The following PPP1R12B variants were observed in gnomAD, a reference collection of about 807,000 sequenced individuals.
The protein encoded by PPP1R12B is myosin phosphatase target subunit 2.
PPP1R12B carries 76 observed loss-of-function variants against 126.1 expected under a neutral mutation model. The observed-to-expected ratio is 0.60, with a 90% CI of 0.50 to 0.73. PPP1R12B has a LOEUF of 0.73. Among genes scored for constraint, PPP1R12B ranks in the 30% least tolerant of loss-of-function variants. PPP1R12B has a pLI of 0.00. For missense variants in PPP1R12B, 1,052 were observed against 1,205.1 expected (o/e 0.87, Z 1.88); for synonymous variants, 356 against 434.7 (o/e 0.82, Z 2.25).
intron 18 of PPP1R12B, among the ~76,000 whole-genome samples, chr1:202,558,135 T>C (rs891754279): frequency 2.0e-5 from 3 of 150,882 alleles, no homozygotes; most frequent in African/African-American, 4.9e-5. Context: ...GCCAGAGTTC[T>C]TTAAAAAAAA....
At chr1:202,542,448 T>C (rs1277406176) in intron 18 of PPP1R12B, among the ~76,000 whole-genome samples, 3 of 152,196 alleles carry the variant, frequency 2.0e-5, no homozygotes, top group Admixed American at 2.0e-4. Context: ...TCTCTGACTC[T>C]AAAACCCCAT....
chr1:202,448,950 T>TA, intron 12 of PPP1R12B, 39 bp from the exon 13 acceptor site: 1 of 1,597,244 alleles, frequency 6.3e-7, no homozygotes, highest in East Asian at 2.2e-5. Flanking sequence ...ATAGCATGCC[T>TA]AACCATTTCC....
At position 202,562,545 on chromosome 1, in the gene PPP1R12B, A is replaced by G. The variant is rs141581444; in HGVS notation, c.2508-233A>G. The stretch of plus-strand genomic sequence containing the variant: ...ATAGGTCCAAACCACTAATTTTTCA[A>G]TAAGCTTCATTCTTGGCAAATGATG... On this transcript the variant is annotated intron_variant, in intron 19 of 23. Transcript: ENST00000608999. 1,541 of 667,330 alleles carry G rather than the reference A, an allele frequency of 2.3e-3. 17 individuals carry two copies. In the African/African-American group the frequency reaches 0.025, roughly 11 times the overall value. The allele number at this position is 667,330 out of a possible 1,614,324, so 41.3% of individuals were successfully genotyped here.
chr1:202,528,711 T>C (rs559127530), intron 18 of PPP1R12B, among the ~76,000 whole-genome samples: 96 of 152,116 alleles, frequency 6.3e-4, no homozygotes, highest in Non-Finnish European at 1.2e-3. Flanking sequence ...AGTTATTATG[T>C]AGGGACTGAA....
Position 202,495,657 on chromosome 1 carries a change from C to T in PPP1R12B, c.2423C>T (p.Thr808Ile), listed in dbSNP as rs751935648. Reference sequence around the variant, plus strand: ...CGGCCCAAGGAACGACGAAGAGGCACAGGCATCAATTTCTGGACAAAGGAT... The same window carrying T: ...CGGCCCAAGGAACGACGAAGAGGCATAGGCATCAATTTCTGGACAAAGGAT... ...RRRPKERRRG[T>I]GINFWTKDED... Residue 808 changes from threonine (T) to isoleucine (I), a missense_variant, in exon 17 of 24, where the codon ACA becomes ATA. Physicochemically the swap from Thr to Ile is moderately conservative, Grantham distance 89. Coordinates refer to ENST00000608999, the MANE Select transcript of PPP1R12B (RefSeq NM_002481.4). 5.0e-6 allele frequency: 8 copies of T among 1,614,082 alleles called. No individual in the cohort carries two copies. The South Asian group carries it at 8.8e-5, about 18-fold the overall frequency.
intron 13 of PPP1R12B, among the ~76,000 whole-genome samples, chr1:202,459,727 G>A (rs1228270673): frequency 1.3e-5 from 2 of 152,090 alleles, no homozygotes; most frequent in Non-Finnish European, 2.9e-5. Context: ...CCTCCTCATT[G>A]AATTTACTGA....
intron 18 of PPP1R12B, among the ~76,000 whole-genome samples, chr1:202,533,819 G>A (rs1286674881): frequency 6.6e-6 from 1 of 152,162 alleles, no homozygotes; most frequent in Non-Finnish European, 1.5e-5. Context: ...TTGAGATGAC[G>A]TCTGCCAGGT....
chr1:202,543,750 G>T (rs1391076941), intron 18 of PPP1R12B, among the ~76,000 whole-genome samples: 1 of 152,120 alleles, frequency 6.6e-6, no homozygotes, highest in Non-Finnish European at 1.5e-5. Flanking sequence ...AATAAACAAA[G>T]AAACAAACAC....
chr1:202,471,846 C>G, intron 13 of PPP1R12B: 1 of 1,397,772 alleles, frequency 7.2e-7, no homozygotes, highest in East Asian at 2.3e-5. Flanking sequence ...TCCCACTCAT[C>G]TTGACTCAGA....
chr1:202,509,165 C>T (rs1681150371), intron 18 of PPP1R12B, among the ~76,000 whole-genome samples: 1 of 151,726 alleles, frequency 6.6e-6, no homozygotes, highest in South Asian at 2.1e-4. Flanking sequence ...AATTTTCTCT[C>T]ATCCAAGCAC....
At position 202,587,764 on chromosome 1, in the gene PPP1R12B, T is replaced by G. The variant is rs1689908503; in HGVS notation, c.*7204T>G. ...AAGTAGCTTGACTCTCGCCTAAATA[T>G]CTGTGCCTTTGCCTGTCCTTTCTCC... On this transcript the variant is annotated 3_prime_UTR_variant, in exon 24 of 24. Transcript: ENST00000608999. 6.6e-6 allele frequency: 1 copy of G among 152,126 alleles called. No individual in the cohort carries two copies. Among genetic ancestry groups the G allele is most frequent in the Admixed American group, 6.5e-5 (1 of 15,272 alleles). 9.4% of individuals were successfully genotyped at this position (152,126 alleles called of 1,614,324 possible).
chr1:202,438,385 C>G, intron 10 of PPP1R12B: 1 of 679,982 alleles, frequency 1.5e-6, no homozygotes, highest in Middle Eastern at 3.8e-4. Flanking sequence ...AATTCCCGTC[C>G]CCCCAGCGGC....
chr1:202,473,975 G>A (rs760448210), intron 13 of PPP1R12B: 2 of 531,464 alleles, frequency 3.8e-6, no homozygotes, highest in South Asian at 1.4e-5. Flanking sequence ...TTCTTGGAGC[G>A]CTCTTTGTCA....
At chr1:202,377,257 G>C (rs185926180) in intron 1 of PPP1R12B, among the ~76,000 whole-genome samples, 14 of 152,090 alleles carry the variant, frequency 9.2e-5, no homozygotes, top group Admixed American at 3.3e-4. Context: ...TGGGTATCTC[G>C]TAACTGCTTA....
chr1:202,436,898 A>G (rs1248520207), intron 9 of PPP1R12B, among the ~76,000 whole-genome samples: 1 of 151,960 alleles, frequency 6.6e-6, no homozygotes, highest in Non-Finnish European at 1.5e-5. Context: ...GGTCAGTGAA[A>G]TCTAAAGCTC....
At chr1:202,354,789 A>C (rs556805203) in intron 1 of PPP1R12B, among the ~76,000 whole-genome samples, 11 of 149,686 alleles carry the variant, frequency 7.3e-5, no homozygotes, top group Non-Finnish European at 1.5e-4. Flanking sequence ...CTGGGATTAC[A>C]GGGGGGTGAC....
intron 18 of PPP1R12B, among the ~76,000 whole-genome samples, chr1:202,548,312 C>A (rs1685861880): frequency 6.6e-6 from 1 of 152,182 alleles, no homozygotes; most frequent in African/African-American, 2.4e-5. Context: ...AACAGAATTA[C>A]AGGAACAGAC....
At chr1:202,491,061 A>G (rs1678801820) in intron 14 of PPP1R12B, among the ~76,000 whole-genome samples, 1 of 152,156 alleles carries the variant, frequency 6.6e-6, no homozygotes, top group South Asian at 2.1e-4. Flanking sequence ...CGGCTGTACC[A>G]TTTTATGTTC....
chr1:202,383,603 A>T (rs531810295), intron 1 of PPP1R12B, among the ~76,000 whole-genome samples: 15 of 152,182 alleles, frequency 9.9e-5, no homozygotes, highest in Admixed American at 3.3e-4. Flanking sequence ...ACACGCCTGT[A>T]ATCACAGCTA....
Sources: gnomAD v4.1 joint callset for allele counts (sites outside exome capture counted in the v4.1 genomes callset) on GRCh38, gnomAD v4.1.1 for gene constraint, MANE v1.5 for transcripts, NCBI Gene and HGNC (gene_info 2026-07-23, HGNC 2026-07-21) for gene names.